Variants in MTSS1 observed in about 807,000 individuals in gnomAD.
The protein encoded by MTSS1 is MTSS I-BAR domain containing 1.
MTSS1 carries 18 observed loss-of-function variants against 79.0 expected under a neutral mutation model. The observed-to-expected ratio is 0.23, with a 90% CI of 0.16 to 0.34. The LOEUF (loss-of-function observed/expected upper bound fraction) is 0.34. Ranked by LOEUF, MTSS1 falls within the 10% of genes least tolerant of loss-of-function variation. The pLI, the probability that MTSS1 is intolerant of heterozygous loss-of-function variation, is 1.00. For missense variants in MTSS1, 815 were observed against 986.2 expected (o/e 0.83, Z 2.33); for synonymous variants, 341 against 368.6 (o/e 0.93, Z 0.86).
In MTSS1 at chr8:124,552,147, G is replaced by A. The variant is rs570274710; in HGVS notation, c.*845C>T. The stretch of plus-strand genomic sequence containing the variant: ...TACAATCAACGAGAAACTGAAGTGG[G>A]AGATTCTACGACTGCCCAGAGGCAG... On this transcript the variant is annotated 3_prime_UTR_variant, in exon 14 of 14. Coordinates refer to ENST00000518547, the MANE Select transcript of MTSS1 (RefSeq NM_014751.6). 2 of 152,776 alleles carry A rather than the reference G, an allele frequency of 1.3e-5. No individual in the cohort carries two copies. The highest frequency in any genetic ancestry group is 1.9e-4 in the East Asian group (1 of 5,188). 9.5% of individuals were successfully genotyped at this position (152,776 alleles called of 1,614,324 possible).
chr8:124,642,239 T>A (rs763673628), intron 3 of MTSS1, among the ~76,000 whole-genome samples: 2 of 152,246 alleles, frequency 1.3e-5, no homozygotes, highest in Non-Finnish European at 2.9e-5. Flanking sequence ...ATTGAAGGCT[T>A]TTTTTAATTT....
intron 3 of MTSS1, among the ~76,000 whole-genome samples, chr8:124,692,378 GA>G (rs5894720): frequency 0.3 from 44,065 of 147,522 alleles, 6,652 homozygotes; most frequent in East Asian, 0.51. Flanking sequence ...TTTTTAAAAA[GA>G]AAAAAAAAAA....
intron 3 of MTSS1, among the ~76,000 whole-genome samples, chr8:124,629,505 CAAAAAAAAAA>C (rs982816199): frequency 4.7e-4 from 29 of 62,212 alleles, no homozygotes; most frequent in African/African-American, 1.4e-3. Flanking sequence ...GACTCCGTCT[CAAAAAAAAAA>C]AAAAAAAAAA....
At chr8:124,638,984 A>C (rs562741490) in intron 3 of MTSS1, among the ~76,000 whole-genome samples, 1 of 152,352 alleles carries the variant, frequency 6.6e-6, no homozygotes, top group Admixed American at 6.5e-5. Context: ...ACATTGTCAC[A>C]ACAAAAAAGT....
At chr8:124,629,433 C>T (rs138483702) in intron 3 of MTSS1, among the ~76,000 whole-genome samples, 24 of 138,580 alleles carry the variant, frequency 1.7e-4, no homozygotes, top group African/African-American at 5.3e-4. Flanking sequence ...AGGAAAATGG[C>T]GTTAACCCAG....
In MTSS1 at chr8:124,553,790, CA is replaced by C; in HGVS notation, c.1568-99del. 1 of 1,044,198 alleles carries C rather than the reference CA, an allele frequency of 9.6e-7. No homozygotes were observed. 64.7% of individuals were successfully genotyped at this position (1,044,198 alleles called of 1,614,324 possible). The stretch of plus-strand genomic sequence containing the variant: ...CAAAAGGCACGCAAGGCAGGGTACA[CA>C]CACAGTCTCATCCCAAGCTTCCCCC... On this transcript the variant is annotated intron_variant, in intron 13 of 13. Coordinates refer to ENST00000518547, the MANE Select transcript of MTSS1 (RefSeq NM_014751.6). The surrounding 1 kb of genome is among the most constrained non-coding windows in gnomAD (Gnocchi z 6.0).
At position 124,553,825 on chromosome 8, in the gene MTSS1, C is replaced by G; in HGVS notation, c.1568-133G>C. The G allele has an allele frequency of 1.3e-6, 1 of 775,110 alleles. No homozygotes were observed. Among genetic ancestry groups the G allele is most frequent in the South Asian group, 1.9e-5 (1 of 52,398 alleles). The allele number at this position is 775,110 out of a possible 1,614,324, so 48.0% of individuals were successfully genotyped here. A position where few individuals can be genotyped will look rare whatever the true frequency, so the allele number is the denominator to read the frequency against. On this transcript the variant is annotated intron_variant, in intron 13 of 13. Coordinates refer to ENST00000518547, the MANE Select transcript of MTSS1 (RefSeq NM_014751.6). The surrounding 1 kb of genome is among the most constrained non-coding windows in gnomAD (Gnocchi z 6.0). ...CATCCCAAGCTTCCCCCAGGCTTCTCTACCATCTTCAGAAAGCCTCACCAA... is the reference window on the plus strand; with the variant it reads ...CATCCCAAGCTTCCCCCAGGCTTCTGTACCATCTTCAGAAAGCCTCACCAA...
intron 1 of MTSS1, among the ~76,000 whole-genome samples, chr8:124,712,514 A>G (rs1369837396): frequency 6.6e-6 from 1 of 152,114 alleles, no homozygotes; most frequent in Non-Finnish European, 1.5e-5. Flanking sequence ...AGGGCCCATG[A>G]ATGCCTGTCA....
At chr8:124,657,556 G>A (rs1821198300) in intron 3 of MTSS1, among the ~76,000 whole-genome samples, 1 of 151,896 alleles carries the variant, frequency 6.6e-6, no homozygotes, top group Admixed American at 6.6e-5. Context: ...TCTGCACTGA[G>A]CAGAAATAGA....
chr8:124,716,959 C>G (rs1327565635), intron 1 of MTSS1, among the ~76,000 whole-genome samples: 2 of 149,450 alleles, frequency 1.3e-5, no homozygotes, highest in Non-Finnish European at 3.0e-5. Flanking sequence ...AAATCAATGT[C>G]TAGTCACAAG....
intron 3 of MTSS1, among the ~76,000 whole-genome samples, chr8:124,674,472 A>T: frequency 6.6e-6 from 1 of 151,912 alleles, no homozygotes; most frequent in Middle Eastern, 3.4e-3. Context: ...CAGCCTCCCA[A>T]GTACCTGGGA....
chr8:124,603,987 G>A (rs1394349452), intron 3 of MTSS1, among the ~76,000 whole-genome samples: 1 of 152,138 alleles, frequency 6.6e-6, no homozygotes, highest in Non-Finnish European at 1.5e-5. Flanking sequence ...TGGGCATGGT[G>A]GCTCACCTAA....
intron 3 of MTSS1, among the ~76,000 whole-genome samples, chr8:124,672,688 T>C (rs112417021): frequency 0.026 from 3,938 of 151,944 alleles, 168 homozygotes; most frequent in African/African-American, 0.091. Context: ...CATGCACCCA[T>C]AGTCCCAGCT....
chr8:124,723,372 T>C (rs994654320), intron 1 of MTSS1, among the ~76,000 whole-genome samples: 1 of 152,222 alleles, frequency 6.6e-6, no homozygotes. Flanking sequence ...TTACCTTCTA[T>C]GCAAACCAGG....
intron 3 of MTSS1, among the ~76,000 whole-genome samples, chr8:124,624,955 C>T (rs545960021): frequency 1.3e-5 from 2 of 152,328 alleles, no homozygotes; most frequent in South Asian, 2.1e-4. Context: ...CATGACATGC[C>T]CATATTTCCC....
At position 124,722,123 on chromosome 8, in the gene MTSS1, A is replaced by AT. The variant is rs71576748; in HGVS notation, c.72+5760dup. Reference sequence around the variant, plus strand: ...GTTCAAAAGGCACTCAACTCAATTGATTTTTTTTTTTCACCCACTTACATT... The same window carrying AT: ...GTTCAAAAGGCACTCAACTCAATTGATTTTTTTTTTTTCACCCACTTACATT... On this transcript the variant is annotated intron_variant, in intron 1 of 13. Coordinates refer to ENST00000518547, the MANE Select transcript of MTSS1 (RefSeq NM_014751.6). 9.8e-4 allele frequency among the ~76,000 whole-genome samples: 147 copies of AT among 149,588 alleles called. 1 individual carries two copies. The highest frequency in any genetic ancestry group is 3.1e-3 in the African/African-American group (125 of 40,934).
In MTSS1 at chr8:124,683,530, G is replaced by A. The variant is rs1826467764; in HGVS notation, c.208+15996C>T. 6.6e-6 allele frequency among the ~76,000 whole-genome samples: 1 copy of A among 152,198 alleles called. No homozygotes were observed. The highest frequency in any genetic ancestry group is 2.4e-5 in the African/African-American group (1 of 41,448). ...ACTCAGAAACACAGGTGTCTCTCCA[G>A]ACTAGAAAACCTCAACTGGAGGCCA... On this transcript the variant is annotated intron_variant, in intron 3 of 13. Transcript: ENST00000518547. The surrounding 1 kb of genome is among the most constrained non-coding windows in gnomAD (Gnocchi z 4.5).
intron 10 of MTSS1, 27 bp from the exon 11 acceptor site, chr8:124,557,902 G>C: frequency 6.6e-7 from 1 of 1,514,310 alleles, no homozygotes; most frequent in East Asian, 2.4e-5. Context: ...AAAGGGGGGG[G>C]GAAGGAAAAA....
chr8:124,591,122 G>T, intron 4 of MTSS1, 29 bp downstream of exon 4: 1 of 1,596,190 alleles, frequency 6.3e-7, no homozygotes, highest in South Asian at 1.1e-5. Context: ...CAAGGGTGTT[G>T]GCGATCGGGG....
Sources: allele counts gnomAD v4.1 joint callset (sites outside exome capture counted in the v4.1 genomes callset), GRCh38; gene constraint gnomAD v4.1.1; non-coding constraint Gnocchi (gnomAD v3.1); transcripts MANE v1.5; gene names NCBI Gene and HGNC (gene_info 2026-07-23, HGNC 2026-07-21).